The following SORCS3 variants were observed in gnomAD, a reference collection of about 807,000 sequenced individuals.
The protein encoded by SORCS3 is sortilin related VPS10 domain containing receptor 3.
Under a neutral mutation model 146.3 loss-of-function variants are expected in SORCS3, and 57 were observed. The observed-to-expected ratio is 0.39, with a 90% CI of 0.31 to 0.49. The LOEUF is 0.49. Ranked by LOEUF, SORCS3 falls within the 20% of genes least tolerant of loss-of-function variation. The pLI is 0.92. For synonymous variants in SORCS3, 653 were observed against 618.5 expected, an observed-to-expected ratio of 1.06 and a Z score of -0.83; for missense variants, 1,341 against 1,575.5, an observed-to-expected ratio of 0.85 and a Z score of 2.52.
intron 20 of SORCS3, among the ~76,000 whole-genome samples, chr10:105,244,517 G>A (rs1207579670): frequency 6.6e-6 from 1 of 151,950 alleles, no homozygotes; most frequent in Non-Finnish European, 1.5e-5. Flanking sequence ...CAGCGGTCCT[G>A]GAACCAATCC....
chr10:105,178,151 G>A lies in SORCS3; in HGVS notation c.1987G>A (p.Gly663Arg). Residue 663 changes from glycine to arginine, a missense_variant, in exon 14 of 27, where the codon GGA becomes AGA. By Grantham distance (125) the Gly-to-Arg change is moderately radical. Transcript: ENST00000369701. ...LFVDGALVEA[G>R]METHIMTVFG... ...TGTTGACGGGGCTCTGGTGGAGGCA[G>A]GAATGGAGACCCACATCATGACGTG... The A allele has an allele frequency of 2.5e-6, 4 of 1,613,218 alleles. No homozygotes were observed. Among genetic ancestry groups the A allele is most frequent in the Non-Finnish European group, 2.5e-6 (3 of 1,179,508 alleles).
At chr10:105,092,774 A>AAACC (rs1285460850) in intron 6 of SORCS3, among the ~76,000 whole-genome samples, 1 of 152,202 alleles carries the variant, frequency 6.6e-6, no homozygotes, top group Non-Finnish European at 1.5e-5. Flanking sequence ...ACAAACAAAC[A>AAACC]AAAAAGCAAG....
chr10:105,003,156 T>A (rs536105747), intron 4 of SORCS3, among the ~76,000 whole-genome samples: 1 of 152,154 alleles, frequency 6.6e-6, no homozygotes, highest in African/African-American at 2.4e-5. Context: ...GTGGGAGAAT[T>A]AAATCATTTA....
chr10:105,182,230 C>CTTTTTTTTTTTTTTT (rs11340368), intron 14 of SORCS3, among the ~76,000 whole-genome samples: 1,410 of 70,410 alleles, frequency 0.02, 188 homozygotes, highest in Non-Finnish European at 0.028. Flanking sequence ...TATTCAGCAT[C>CTTTTTTTTTTTTTTT]TTTTTTTTTT....
At chr10:105,229,459 C>T (rs937627481) in intron 20 of SORCS3, among the ~76,000 whole-genome samples, 1 of 152,112 alleles carries the variant, frequency 6.6e-6, no homozygotes, top group African/African-American at 2.4e-5. Context: ...GATATCTGTG[C>T]AGCTGGTATA....
chr10:104,656,661 TA>T (rs575487640), intron 1 of SORCS3, among the ~76,000 whole-genome samples: 2 of 146,558 alleles, frequency 1.4e-5, no homozygotes, highest in East Asian at 2.0e-4. Context: ...GAGACCTTGT[TA>T]AAAAAAAACA....
chr10:104,800,193 T>C (rs561352390), intron 1 of SORCS3, among the ~76,000 whole-genome samples: 3 of 152,034 alleles, frequency 2.0e-5, no homozygotes, highest in East Asian at 3.9e-4. Flanking sequence ...TTTAAATAGA[T>C]ACTACTAAAT....
At chr10:104,974,839 G>A (rs2054884948) in intron 3 of SORCS3, among the ~76,000 whole-genome samples, 2 of 152,112 alleles carry the variant, frequency 1.3e-5, no homozygotes, top group African/African-American at 4.8e-5. Flanking sequence ...GGTACCGGTT[G>A]TTCCTTTCCA....
At chr10:105,052,574 C>G (rs1164462314) in intron 5 of SORCS3, among the ~76,000 whole-genome samples, 1 of 151,988 alleles carries the variant, frequency 6.6e-6, no homozygotes, top group Non-Finnish European at 1.5e-5. Context: ...CAGAAAAACC[C>G]CCACATAAAG....
intron 1 of SORCS3, among the ~76,000 whole-genome samples, chr10:104,664,279 C>T (rs144488773): frequency 1.2e-4 from 19 of 152,122 alleles, no homozygotes; most frequent in African/African-American, 3.6e-4. Context: ...TAAACAGGAG[C>T]GGGGCTTAAG....
chr10:105,170,417 G>GA (rs1048730926), intron 13 of SORCS3, among the ~76,000 whole-genome samples: 29 of 145,938 alleles, frequency 2.0e-4, no homozygotes, highest in Non-Finnish European at 2.3e-4. Context: ...ATAGAGTTCA[G>GA]AAAAAAAAAA....
chr10:105,220,555 C>A lies in SORCS3; in HGVS notation c.2735-2561C>A, dbSNP rs148638536. 3.5e-3 allele frequency among the ~76,000 whole-genome samples: 535 copies of A among 152,248 alleles called. 6 individuals carry two copies. Among genetic ancestry groups the A allele is most frequent in the African/African-American group, 0.012 (503 of 41,554 alleles). On this transcript the variant is annotated intron_variant, in intron 19 of 26. Transcript: ENST00000369701. ...CCCATGAGGTGTGTTGGGGAATGGG[C>A]TTCATGCTTTCTGGAGGATAGCAGT... is the stretch of plus-strand genomic sequence containing the variant.
intron 16 of SORCS3, among the ~76,000 whole-genome samples, chr10:105,205,801 C>T (rs2056598930): frequency 6.6e-6 from 1 of 152,182 alleles, no homozygotes; most frequent in African/African-American, 2.4e-5. Flanking sequence ...TCTTAATCTT[C>T]TCAATGGACT....
chr10:105,242,978 T>C (rs1474364329), intron 20 of SORCS3, among the ~76,000 whole-genome samples: 1 of 127,018 alleles, frequency 7.9e-6, no homozygotes, highest in Non-Finnish European at 1.6e-5. Context: ...ATGATATATA[T>C]TATATATAAT....
At chr10:105,106,409 G>C (rs142789958) in intron 7 of SORCS3, among the ~76,000 whole-genome samples, 65 of 152,272 alleles carry the variant, frequency 4.3e-4, no homozygotes, top group African/African-American at 1.6e-3. Context: ...AGCTCAGTGT[G>C]ACTCTCCATC....
At chr10:104,788,133 T>C (rs2017459023) in intron 1 of SORCS3, among the ~76,000 whole-genome samples, 1 of 152,210 alleles carries the variant, frequency 6.6e-6, no homozygotes, top group South Asian at 2.1e-4. Flanking sequence ...ATGCATGTTC[T>C]CTCTCCTGAG....
intron 1 of SORCS3, among the ~76,000 whole-genome samples, chr10:104,672,431 G>A (rs111925937): frequency 8.6e-5 from 13 of 151,990 alleles, no homozygotes; most frequent in African/African-American, 2.4e-4. Flanking sequence ...TTTTGGTTTC[G>A]TTGATTTTCT....
In SORCS3 at chr10:105,019,849, A is replaced by G. The variant is rs553772896; in HGVS notation, c.955-23206A>G. Among the ~76,000 whole-genome samples the G allele has an allele frequency of 2.2e-3, 342 of 152,334 alleles. 3 individuals carry two copies. The highest frequency in any genetic ancestry group is 7.7e-3 in the African/African-American group (319 of 41,576). ...GTTAAATGAGTGAATAAGTGAATAA[A>G]TAAAGAAAATGTAATTATTGCTGAA... On this transcript the variant is annotated intron_variant, in intron 4 of 26. Transcript: ENST00000369701.
At chr10:105,038,079 TAA>T (rs2055317654) in intron 4 of SORCS3, among the ~76,000 whole-genome samples, 1 of 152,182 alleles carries the variant, frequency 6.6e-6, no homozygotes, top group Non-Finnish European at 1.5e-5. Flanking sequence ...TTGTGCTTGT[TAA>T]AAGATATGTG....
Sources: gnomAD v4.1 joint callset for allele counts (sites outside exome capture counted in the v4.1 genomes callset) on GRCh38, gnomAD v4.1.1 for gene constraint, MANE v1.5 for transcripts, NCBI Gene and HGNC (gene_info 2026-07-23, HGNC 2026-07-21) for gene names.